The following CDH12 variants were observed in gnomAD, a reference collection of about 807,000 sequenced individuals.
CDH12 encodes the protein cadherin-12.
A neutral mutation model predicts 74.1 loss-of-function variants in CDH12; 41 were observed. The ratio of observed to expected loss-of-function variants is 0.55; its 90% confidence interval spans 0.43 to 0.72. The LOEUF (loss-of-function observed/expected upper bound fraction) is 0.72. CDH12 is among the 30% of genes least tolerant of loss of function. The pLI is 0.00. For missense variants in CDH12, 945 were observed against 977.2 expected (o/e 0.97, Z 0.44); for synonymous variants, 399 against 355.0 (o/e 1.12, Z -1.39).
intron 4 of CDH12, among the ~76,000 whole-genome samples, chr5:22,102,626 C>A (rs1022297865): frequency 2.0e-5 from 3 of 152,036 alleles, no homozygotes; most frequent in African/African-American, 4.8e-5. Context: ...CGCGTCACTG[C>A]ATTCCAGCCT....
At position 21,752,108 on chromosome 5, in the gene CDH12, C is replaced by A; in HGVS notation, c.2014G>T (p.Ala672Ser). ...TTTCTCAGAGCCCCGATGTCGAAAG[C>A]CTGGGTATCTTCCTCCCCACCTCCT... is the stretch of plus-strand genomic sequence containing the variant. ...DEGGGEEDTQAFDIGALRNPK... is the reference protein window; with the variant it reads ...DEGGGEEDTQSFDIGALRNPK... The change falls in exon 15 of 15, where the codon GCT (alanine) becomes TCT (serine). Residue 672 changes from alanine to serine, a missense_variant. By Grantham distance (99) the Ala-to-Ser change is moderately conservative. Transcript: ENST00000382254. 6.2e-7 allele frequency: 1 copy of A among 1,614,090 alleles called. No individual in the cohort carries two copies. The highest frequency in any genetic ancestry group is 8.5e-7 in the Non-Finnish European group (1 of 1,180,026).
intron 4 of CDH12, among the ~76,000 whole-genome samples, chr5:22,085,598 C>T (rs149894250): frequency 2.2e-4 from 33 of 152,062 alleles, no homozygotes; most frequent in South Asian, 4.2e-4. Context: ...ACAACCTCCC[C>T]CACCTCCTCT....
At chr5:22,500,479 A>T (rs1747285869) in intron 2 of CDH12, among the ~76,000 whole-genome samples, 1 of 152,164 alleles carries the variant, frequency 6.6e-6, no homozygotes, top group South Asian at 2.1e-4. Context: ...AATGATAAGC[A>T]TTTCCATATA....
In CDH12 at chr5:22,831,261, T is replaced by C. The variant is rs529721047; in HGVS notation, c.-523+21797A>G. Among the ~76,000 whole-genome samples, 236 of 152,154 alleles carry C rather than the reference T, an allele frequency of 1.6e-3. 1 individual carries two copies. Among genetic ancestry groups the C allele is most frequent in the African/African-American group, 5.5e-3 (227 of 41,528 alleles). On this transcript the variant is annotated intron_variant, in intron 1 of 14. Coordinates refer to ENST00000382254, the MANE Select transcript of CDH12 (RefSeq NM_004061.5). ...TCTAAGAAAACGATTGAGTAGAATA[T>C]TCAAATATAAATGTGAATTAGTGAA... is the stretch of plus-strand genomic sequence containing the variant.
chr5:22,819,247 C>G (rs1339357832), intron 1 of CDH12, among the ~76,000 whole-genome samples: 1 of 151,656 alleles, frequency 6.6e-6, no homozygotes, highest in African/African-American at 2.4e-5. Context: ...TGATCCTGCT[C>G]AAGATGAAAA....
At chr5:22,028,329 T>C (rs866421263) in intron 5 of CDH12, among the ~76,000 whole-genome samples, 1 of 152,150 alleles carries the variant, frequency 6.6e-6, no homozygotes, top group Non-Finnish European at 1.5e-5. Context: ...TTGTCCCTGT[T>C]TGCAGATGAC....
chr5:22,392,929 A>C (rs1217457304), intron 3 of CDH12, among the ~76,000 whole-genome samples: 1 of 152,020 alleles, frequency 6.6e-6, no homozygotes, highest in Non-Finnish European at 1.5e-5. Flanking sequence ...GAGATTTTTC[A>C]CTGTAGTCAG....
chr5:21,968,425 A>G (rs1756682292), intron 6 of CDH12, among the ~76,000 whole-genome samples: 3 of 152,198 alleles, frequency 2.0e-5, no homozygotes, highest in South Asian at 4.1e-4. Flanking sequence ...AAGGATATGC[A>G]CTCTTAACAA....
chr5:22,290,008 A>G (rs1384952508), intron 3 of CDH12, among the ~76,000 whole-genome samples: 3 of 152,064 alleles, frequency 2.0e-5, no homozygotes, highest in African/African-American at 4.8e-5. Flanking sequence ...GAGCGCTACA[A>G]TGAGCCCCAG....
chr5:22,313,093 T>C (rs897950642), intron 3 of CDH12, among the ~76,000 whole-genome samples: 3 of 152,172 alleles, frequency 2.0e-5, no homozygotes, highest in Admixed American at 2.0e-4. Flanking sequence ...TCTCAGGTGG[T>C]GAAAACAAAA....
At chr5:22,232,376 C>T (rs1378150523) in intron 3 of CDH12, among the ~76,000 whole-genome samples, 5 of 151,604 alleles carry the variant, frequency 3.3e-5, no homozygotes, top group African/African-American at 4.8e-5. Context: ...GAGTATTATG[C>T]CTTCTAAAAA....
At chr5:22,448,288 G>A (rs2126556737) in intron 2 of CDH12, among the ~76,000 whole-genome samples, 1 of 151,644 alleles carries the variant, frequency 6.6e-6, no homozygotes, top group South Asian at 2.1e-4. Context: ...AATTCTGTGG[G>A]TTTTCTTAAT....
intron 6 of CDH12, among the ~76,000 whole-genome samples, chr5:21,961,144 T>C (rs1756342951): frequency 6.6e-6 from 1 of 152,182 alleles, no homozygotes. Flanking sequence ...ATTAAAATCT[T>C]CAACTATGAC....
intron 3 of CDH12, among the ~76,000 whole-genome samples, chr5:22,328,571 G>A (rs1232689685): frequency 6.6e-6 from 1 of 152,150 alleles, no homozygotes; most frequent in Non-Finnish European, 1.5e-5. Flanking sequence ...AACACTAGGT[G>A]AGAGTTACTA....
At chr5:21,986,530 C>A (rs1410695771) in intron 5 of CDH12, among the ~76,000 whole-genome samples, 1 of 152,156 alleles carries the variant, frequency 6.6e-6, no homozygotes, top group Non-Finnish European at 1.5e-5. Flanking sequence ...GTTAAAATAA[C>A]TTCTTTCCTA....
chr5:21,983,732 T>C (rs1158636163), intron 5 of CDH12, among the ~76,000 whole-genome samples: 1 of 152,164 alleles, frequency 6.6e-6, no homozygotes. Context: ...GTATCATATA[T>C]ATTTCACTCA....
At chr5:22,335,340 T>C (rs536168517) in intron 3 of CDH12, among the ~76,000 whole-genome samples, 1 of 152,116 alleles carries the variant, frequency 6.6e-6, no homozygotes, top group Admixed American at 6.6e-5. Flanking sequence ...TGAGATCTGA[T>C]GGTTTTAAAA....
rs147399512 is a variant in CDH12, at chr5:22,400,938, T to C, written c.-333+4319A>G. Among the ~76,000 whole-genome samples the C allele has an allele frequency of 7.9e-4, 121 of 152,248 alleles. No individual in the cohort carries two copies. In the East Asian group the frequency reaches 0.018, roughly 23 times the overall value. On this transcript the variant is annotated intron_variant, in intron 3 of 14. Coordinates refer to ENST00000382254, the MANE Select transcript of CDH12 (RefSeq NM_004061.5). ...TGGGAATGTAGGCTACGTAAGATGA[T>C]TGATATAAATGTAAGACATTTTGTG... is the stretch of plus-strand genomic sequence containing the variant.
At chr5:22,599,268 T>C (rs2126809908) in intron 1 of CDH12, among the ~76,000 whole-genome samples, 1 of 152,294 alleles carries the variant, frequency 6.6e-6, no homozygotes, top group Admixed American at 6.5e-5. Flanking sequence ...GAAGTCTTCC[T>C]TGACAGAAGA....
Sources: gnomAD v4.1 joint callset for allele counts (sites outside exome capture counted in the v4.1 genomes callset) on GRCh38, gnomAD v4.1.1 for gene constraint, MANE v1.5 for transcripts, NCBI Gene and HGNC (gene_info 2026-07-23, HGNC 2026-07-21) for gene names.